The following DPP10 variants were observed in gnomAD, a reference collection of about 807,000 sequenced individuals.
DPP10 encodes the protein dipeptidyl peptidase like 10.
In DPP10, 33 loss-of-function variants were observed where a neutral mutation model predicts 120.9. The ratio of observed to expected loss-of-function variants is 0.27; its 90% CI spans 0.21 to 0.37. The LOEUF (loss-of-function observed/expected upper bound fraction) is 0.37, where lower values mean the gene tolerates loss of function less well. Ranked by LOEUF, DPP10 falls within the 10% of genes least tolerant of loss-of-function variation. The pLI, the probability that DPP10 is intolerant of heterozygous loss-of-function variation, is 1.00. For missense variants in DPP10, 816 were observed against 942.8 expected (o/e 0.87, Z 1.76); for synonymous variants, 337 against 326.1 (o/e 1.03, Z -0.36).
chr2:115,355,923 T>C (rs1040017693), intron 3 of DPP10, among the ~76,000 whole-genome samples: 2 of 152,206 alleles, frequency 1.3e-5, no homozygotes, highest in Non-Finnish European at 2.9e-5. Context: ...ATATGTCTGT[T>C]TTTGTAGCAG....
intron 5 of DPP10, among the ~76,000 whole-genome samples, chr2:115,687,071 T>C (rs2091030422): frequency 6.6e-6 from 1 of 152,064 alleles, no homozygotes; most frequent in African/African-American, 2.4e-5. Flanking sequence ...AGTAGAAATG[T>C]TATCCAAGGA....
At chr2:115,165,164 G>A (rs2052740825) in intron 1 of DPP10, among the ~76,000 whole-genome samples, 1 of 152,112 alleles carries the variant, frequency 6.6e-6, no homozygotes, top group Non-Finnish European at 1.5e-5. Context: ...CTTGCCACAG[G>A]CAGAGTACTA....
Position 114,740,527 on chromosome 2 carries a change from A to T in DPP10, c.60+297689A>T, listed in dbSNP as rs191218607. Among the ~76,000 whole-genome samples, 642 of 152,290 alleles carry T rather than the reference A, an allele frequency of 4.2e-3. 4 individuals carry two copies. Among genetic ancestry groups the T allele is most frequent in the Middle Eastern group, 6.8e-3 (2 of 294 alleles). The stretch of plus-strand genomic sequence containing the variant: ...TAATAATAAAATAAAAATTAAAAAA[A>T]AACTTAAATGTACTTCTATTCTTGC... On this transcript the variant is annotated intron_variant, in intron 1 of 25. Coordinates refer to ENST00000410059, the MANE Select transcript of DPP10 (RefSeq NM_020868.6).
intron 1 of DPP10, among the ~76,000 whole-genome samples, chr2:114,802,885 T>C (rs1021197358): frequency 2.6e-5 from 4 of 152,196 alleles, no homozygotes; most frequent in Non-Finnish European, 5.9e-5. Flanking sequence ...TGAGTTCAAA[T>C]ATGGTCACAT....
chr2:115,664,789 A>C (rs1284998829), intron 5 of DPP10, among the ~76,000 whole-genome samples: 1 of 152,204 alleles, frequency 6.6e-6, no homozygotes, highest in African/African-American at 2.4e-5. Context: ...GGGCAACCTA[A>C]TGCCTGATCT....
At chr2:115,212,608 T>A (rs2056588026) in intron 1 of DPP10, among the ~76,000 whole-genome samples, 1 of 151,014 alleles carries the variant, frequency 6.6e-6, no homozygotes, top group African/African-American at 2.4e-5. Context: ...CAGAACCAAT[T>A]TTCTTTAATT....
At chr2:115,735,525 A>ATTT (rs1029018823) in intron 8 of DPP10, among the ~76,000 whole-genome samples, 1 of 142,094 alleles carries the variant, frequency 7.0e-6, no homozygotes, top group South Asian at 2.2e-4. Context: ...ATCCTTTTCT[A>ATTT]TTTTTTTTTT....
intron 1 of DPP10, among the ~76,000 whole-genome samples, chr2:114,915,997 T>C (rs748489727): frequency 2.6e-5 from 4 of 151,852 alleles, no homozygotes; most frequent in East Asian, 1.9e-4. Context: ...CAGAGCTGAA[T>C]TGAATGAAAC....
chr2:115,507,034 GCACA>G (rs71394148), intron 4 of DPP10, among the ~76,000 whole-genome samples: 80 of 148,886 alleles, frequency 5.4e-4, no homozygotes, highest in Non-Finnish European at 8.7e-4. Context: ...ACACGCACGC[GCACA>G]CACACACACA....
intron 4 of DPP10, among the ~76,000 whole-genome samples, chr2:115,505,909 G>T (rs965048480): frequency 6.6e-6 from 1 of 151,892 alleles, no homozygotes; most frequent in Non-Finnish European, 1.5e-5. Flanking sequence ...ATTCCACATT[G>T]TGTATTCTTC....
At chr2:115,263,040 C>T (rs1415821150) in intron 1 of DPP10, among the ~76,000 whole-genome samples, 1 of 152,170 alleles carries the variant, frequency 6.6e-6, no homozygotes, top group Non-Finnish European at 1.5e-5. Context: ...CTTAGCAATT[C>T]TTACCCTGAG....
intron 5 of DPP10, among the ~76,000 whole-genome samples, chr2:115,534,308 T>C (rs1340065896): frequency 1.3e-5 from 2 of 151,932 alleles, no homozygotes; most frequent in African/African-American, 4.8e-5. Flanking sequence ...CCCCTTCCTG[T>C]GTCCATGTGA....
intron 3 of DPP10, among the ~76,000 whole-genome samples, chr2:115,441,202 G>T (rs1038190189): frequency 4.6e-5 from 7 of 152,036 alleles, no homozygotes; most frequent in African/African-American, 1.7e-4. Context: ...TTATAAAATT[G>T]GTCACAGGAA....
chr2:114,804,175 T>C (rs941022451), intron 1 of DPP10, among the ~76,000 whole-genome samples: 42 of 152,246 alleles, frequency 2.8e-4, no homozygotes, highest in African/African-American at 9.4e-4. Flanking sequence ...GTGTTGAGGC[T>C]GTGGGGGCAC....
At chr2:114,953,196 G>A (rs1335089254) in intron 1 of DPP10, among the ~76,000 whole-genome samples, 3 of 151,990 alleles carry the variant, frequency 2.0e-5, no homozygotes, top group Non-Finnish European at 4.4e-5. Flanking sequence ...GAACTGAAGG[G>A]CATCTTTATA....
intron 5 of DPP10, among the ~76,000 whole-genome samples, chr2:115,642,298 C>T (rs2149352254): frequency 6.6e-6 from 1 of 151,952 alleles, no homozygotes; most frequent in African/African-American, 2.4e-5. Context: ...TGTGACAGTG[C>T]TTTTTTGGAT....
At chr2:114,746,264 G>C (rs982736194) in intron 1 of DPP10, among the ~76,000 whole-genome samples, 2 of 152,050 alleles carry the variant, frequency 1.3e-5, no homozygotes, top group Non-Finnish European at 2.9e-5. Flanking sequence ...AATAACCATA[G>C]TGACACTTTG....
intron 1 of DPP10, among the ~76,000 whole-genome samples, chr2:115,049,058 G>T (rs996372382): frequency 2.0e-5 from 3 of 151,834 alleles, no homozygotes; most frequent in South Asian, 2.1e-4. Context: ...TGGGTGGTTT[G>T]GTAGATGGAT....
At chr2:114,917,567 G>T (rs540736479) in intron 1 of DPP10, among the ~76,000 whole-genome samples, 14 of 152,136 alleles carry the variant, frequency 9.2e-5, no homozygotes, top group Non-Finnish European at 1.6e-4. Flanking sequence ...ATACTACAAG[G>T]CTACAGTAAG....
Sources: gnomAD v4.1 joint callset for allele counts (sites outside exome capture counted in the v4.1 genomes callset) on GRCh38, gnomAD v4.1.1 for gene constraint, MANE v1.5 for transcripts, NCBI Gene and HGNC (gene_info 2026-07-23, HGNC 2026-07-21) for gene names.